Variants in ADGRB3 observed in about 807,000 individuals in gnomAD.
ADGRB3 encodes brain-specific angiogenesis inhibitor 3.
A neutral mutation model predicts 193.4 loss-of-function variants in ADGRB3; 37 were observed. The observed-to-expected ratio is 0.19, with a 90% confidence interval of 0.15 to 0.25. The LOEUF (loss-of-function observed/expected upper bound fraction) is 0.25, where lower values mean the gene tolerates loss of function less well. ADGRB3 is among the 10% of genes least tolerant of loss of function. The pLI is 1.00. For synonymous variants in ADGRB3, 690 were observed against 644.2 expected, an observed-to-expected ratio of 1.07 and a Z score of -1.08; for missense variants, 1,637 against 1,852.9, an observed-to-expected ratio of 0.88 and a Z score of 2.14.
rs574073466 is a variant in ADGRB3, at chr6:68,895,158, G to T, written c.758-35401G>T. Among the ~76,000 whole-genome samples the T allele has an allele frequency of 2.6e-5, 4 of 151,012 alleles. No homozygotes were observed. The South Asian group carries it at 8.4e-4, about 32-fold the overall frequency. On this transcript the variant is annotated intron_variant, in intron 3 of 31. Transcript: ENST00000370598. Reference sequence around the variant, plus strand: ...CCTTCCCCAGATTTAACTTTCTTTTGCTATCTCCTTCAGTAGTTCAATATT... The same window carrying T: ...CCTTCCCCAGATTTAACTTTCTTTTTCTATCTCCTTCAGTAGTTCAATATT...
intron 3 of ADGRB3, among the ~76,000 whole-genome samples, chr6:68,877,331 T>G (rs1223696666): frequency 6.6e-6 from 1 of 152,018 alleles, no homozygotes; most frequent in Admixed American, 6.6e-5. Flanking sequence ...CTTGCCACCA[T>G]TTAGAAAAAC....
intron 3 of ADGRB3, among the ~76,000 whole-genome samples, chr6:68,641,700 T>C (rs1768085628): frequency 6.6e-6 from 1 of 152,146 alleles, no homozygotes; most frequent in African/African-American, 2.4e-5. Context: ...GATGTATTTG[T>C]TAAGTAATTC....
intron 17 of ADGRB3, among the ~76,000 whole-genome samples, chr6:69,093,672 C>T (rs1187392458): frequency 2.7e-5 from 4 of 147,850 alleles, no homozygotes; most frequent in East Asian, 2.0e-4. Context: ...AGCCTGGGTT[C>T]GGGGGGATAT....
intron 11 of ADGRB3, among the ~76,000 whole-genome samples, chr6:69,002,708 A>G (rs1769617037): frequency 6.6e-6 from 1 of 152,180 alleles, no homozygotes; most frequent in Non-Finnish European, 1.5e-5. Flanking sequence ...AGCAACTATT[A>G]ATATGATAAT....
chr6:68,731,759 A>G (rs574441101), intron 3 of ADGRB3, among the ~76,000 whole-genome samples: 9 of 151,588 alleles, frequency 5.9e-5, no homozygotes, highest in Non-Finnish European at 8.9e-5. Context: ...ATTTCACTCC[A>G]AGGATAAGAA....
intron 11 of ADGRB3, among the ~76,000 whole-genome samples, chr6:69,012,683 C>A (rs535783727): frequency 9.2e-5 from 14 of 152,156 alleles, no homozygotes; most frequent in African/African-American, 1.2e-4. Context: ...CGTGTTTCAA[C>A]CATGTGATTG....
At chr6:68,706,521 G>A (rs960297983) in intron 3 of ADGRB3, among the ~76,000 whole-genome samples, 1 of 152,182 alleles carries the variant, frequency 6.6e-6, no homozygotes, top group Non-Finnish European at 1.5e-5. Flanking sequence ...AGCATGACTT[G>A]AGCACCAGCT....
chr6:68,783,307 T>TATATATATAA (rs1554193293), intron 3 of ADGRB3, among the ~76,000 whole-genome samples: 2 of 146,434 alleles, frequency 1.4e-5, no homozygotes, highest in Admixed American at 6.9e-5. Context: ...TATATATATA[T>TATATATATAA]AACATACATA....
At chr6:69,234,197 C>T (rs1379588738) in intron 18 of ADGRB3, among the ~76,000 whole-genome samples, 6 of 151,996 alleles carry the variant, frequency 3.9e-5, no homozygotes, top group African/African-American at 7.2e-5. Context: ...TTTTAGAACA[C>T]GCTTAAAGTG....
intron 17 of ADGRB3, among the ~76,000 whole-genome samples, chr6:69,137,397 C>G (rs549072681): frequency 6.6e-6 from 1 of 151,758 alleles, no homozygotes; most frequent in East Asian, 1.9e-4. Context: ...CTGGATGGAC[C>G]AGCTGATGCT....
chr6:68,914,785 T>C (rs1165036806), intron 3 of ADGRB3, among the ~76,000 whole-genome samples: 1 of 152,194 alleles, frequency 6.6e-6, no homozygotes, highest in Non-Finnish European at 1.5e-5. Flanking sequence ...TATGATACCT[T>C]ACTCATCATT....
intron 3 of ADGRB3, among the ~76,000 whole-genome samples, chr6:68,807,439 A>G (rs145025579): frequency 4.8e-4 from 72 of 151,356 alleles, no homozygotes; most frequent in Non-Finnish European, 8.8e-4. Flanking sequence ...ACGGGGTTTC[A>G]CCGTGTTAGC....
chr6:68,780,187 CATT>C (rs1250398578), intron 3 of ADGRB3, among the ~76,000 whole-genome samples: 5 of 152,020 alleles, frequency 3.3e-5, no homozygotes, highest in Admixed American at 6.6e-5. Flanking sequence ...ACAGCTGCAT[CATT>C]GAGAATGAAA....
In ADGRB3 at chr6:69,233,431, G is replaced by C; in HGVS notation, c.2607+15G>C. On this transcript the variant is annotated intron_variant, in intron 18 of 31. Coordinates refer to ENST00000370598, the MANE Select transcript of ADGRB3 (RefSeq NM_001704.3). ...CTAGAGAAATAGTAAGTAACAAAGG[G>C]AAAACACGGCTTTAACGCAAAGACA... The C allele has an allele frequency of 6.2e-7, 1 of 1,613,780 alleles. No individual in the cohort carries two copies.
chr6:69,256,955 G>C (rs1455086051), intron 20 of ADGRB3, among the ~76,000 whole-genome samples: 4 of 148,904 alleles, frequency 2.7e-5, no homozygotes. Context: ...CATCTATTGA[G>C]ATAATCATGT....
chr6:68,830,955 TAA>T (rs35545206), intron 3 of ADGRB3, among the ~76,000 whole-genome samples: 1 of 145,574 alleles, frequency 6.9e-6, no homozygotes, highest in African/African-American at 2.5e-5. Context: ...CAGAACAACT[TAA>T]AAAAAAAAAA....
Position 68,845,705 on chromosome 6 carries a change from C to T in ADGRB3, c.758-84854C>T, listed in dbSNP as rs144059627. On this transcript the variant is annotated intron_variant, in intron 3 of 31. Transcript: ENST00000370598. ...CACCATGTAAGAAGTGCCTTTCACC[C>T]TCTGCCATGATTGTAAGACCTCCCC... Among the ~76,000 whole-genome samples, 807 of 152,200 alleles carry T rather than the reference C, an allele frequency of 5.3e-3. 2 individuals carry two copies. Among genetic ancestry groups the T allele is most frequent in the Middle Eastern group, 0.017 (5 of 294 alleles).
intron 3 of ADGRB3, among the ~76,000 whole-genome samples, chr6:68,852,045 C>T (rs1408084029): frequency 6.6e-6 from 1 of 151,772 alleles, no homozygotes; most frequent in Non-Finnish European, 1.5e-5. Flanking sequence ...TTTACTATAA[C>T]CTATTGTAGG....
At chr6:68,784,382 A>C (rs191995644) in intron 3 of ADGRB3, among the ~76,000 whole-genome samples, 1 of 152,234 alleles carries the variant, frequency 6.6e-6, no homozygotes, top group Admixed American at 6.6e-5. Context: ...TTGATCTGAG[A>C]CAAATTATCT....
Sources: allele counts gnomAD v4.1 joint callset (sites outside exome capture counted in the v4.1 genomes callset), GRCh38; gene constraint gnomAD v4.1.1; transcripts MANE v1.5; gene names NCBI Gene and HGNC (gene_info 2026-07-23, HGNC 2026-07-21).